Variants in SRD5A2 observed in about 807,000 individuals in gnomAD.
The protein encoded by SRD5A2 is steroid 5 alpha-reductase 2.
SRD5A2 carries 30 observed loss-of-function variants against 27.4 expected under a neutral mutation model. The observed-to-expected ratio is 1.10, with a 90% CI of 0.82 to 1.49. SRD5A2 has a LOEUF of 1.49. Ranked by LOEUF, SRD5A2 falls within the 40% of genes most tolerant of loss-of-function variation. The pLI, the probability that SRD5A2 is intolerant of heterozygous loss-of-function variation, is 0.00. For synonymous variants in SRD5A2, 141 were observed against 133.6 expected (o/e 1.06, Z -0.38); for missense variants, 348 against 323.4 (o/e 1.08, Z -0.58).
chr2:31,568,153 A>G (rs369727799), intron 1 of SRD5A2, among the ~76,000 whole-genome samples: 1 of 152,254 alleles, frequency 6.6e-6, no homozygotes, highest in East Asian at 1.9e-4. Flanking sequence ...GATGCCAGGA[A>G]CCACAAAGCC....
chr2:31,555,164 A>G, intron 1 of SRD5A2, among the ~76,000 whole-genome samples: 1 of 152,094 alleles, frequency 6.6e-6, no homozygotes, highest in East Asian at 1.9e-4. Flanking sequence ...AGAAAAAAAA[A>G]AAAATCCCAC....
intron 1 of SRD5A2, among the ~76,000 whole-genome samples, chr2:31,574,189 C>A (rs1279260528): frequency 3.3e-5 from 5 of 152,218 alleles, no homozygotes; most frequent in Admixed American, 2.0e-4. Flanking sequence ...AAGTTTCACA[C>A]CAGAAAGAGT....
At chr2:31,657,967 A>C in the SRD5A2 span, among the ~76,000 whole-genome samples, 1 of 152,186 alleles carries the variant, frequency 6.6e-6, no homozygotes, top group Non-Finnish European at 1.5e-5. Context: ...GTAAATACAA[A>C]AAAATACCGA....
In SRD5A2 at chr2:31,523,795, G is replaced by A. The variant is rs1019049507; in HGVS notation, c.*2401C>T. 1 of 220,620 alleles carries A rather than the reference G, an allele frequency of 4.5e-6. No homozygotes were observed. The highest frequency in any genetic ancestry group is 9.1e-6 in the Non-Finnish European group (1 of 110,262). The allele number at this position is 220,620 out of a possible 1,614,324, so 13.7% of individuals were successfully genotyped here. The stretch of plus-strand genomic sequence containing the variant: ...ATGTTTAGAGATGAGCACATGTTCA[G>A]ACCTTTACTGTATTTAATCCACATA... On this transcript the variant is annotated 3_prime_UTR_variant, in exon 5 of 5. Coordinates refer to ENST00000622030, the MANE Select transcript of SRD5A2 (RefSeq NM_000348.4).
the SRD5A2 span, among the ~76,000 whole-genome samples, chr2:31,653,817 GC>G: frequency 1.3e-5 from 2 of 152,066 alleles, no homozygotes; most frequent in African/African-American, 4.8e-5. Context: ...CCGCCACCAT[GC>G]CCAGCTAATT....
the SRD5A2 span, among the ~76,000 whole-genome samples, chr2:31,604,119 A>G: frequency 2.2e-4 from 33 of 151,970 alleles, no homozygotes; most frequent in African/African-American, 7.2e-4. Flanking sequence ...CTGGGTATAG[A>G]AGGAACATAC....
At chr2:31,531,506 T>G (rs1366649523) in intron 2 of SRD5A2, 34 bp from the exon 3 acceptor site, 1 of 1,411,534 alleles carries the variant, frequency 7.1e-7, no homozygotes, top group East Asian at 2.4e-5. Context: ...GAAATTTTTT[T>G]TAAATGTGTC....
intron 1 of SRD5A2, among the ~76,000 whole-genome samples, chr2:31,577,222 G>A (rs1385591595): frequency 7.1e-6 from 1 of 141,410 alleles, no homozygotes; most frequent in East Asian, 2.1e-4. Context: ...CTTTGGCAGT[G>A]GGATTAGGCA....
intron 1 of SRD5A2, among the ~76,000 whole-genome samples, chr2:31,553,534 T>C (rs921857910): frequency 2.0e-5 from 3 of 152,112 alleles, no homozygotes; most frequent in Admixed American, 6.6e-5. Flanking sequence ...GCAAGAGAAA[T>C]GTGACACGTC....
At chr2:31,562,934 A>G (rs1390634972) in intron 1 of SRD5A2, 3 of 152,128 alleles carry the variant, frequency 2.0e-5, no homozygotes, top group Admixed American at 2.0e-4. Flanking sequence ...CCTCCATTCC[A>G]TTGTTCATTT....
rs1665713670 is a variant in SRD5A2, at chr2:31,523,859, C to T, written c.*2337G>A. On this transcript the variant is annotated 3_prime_UTR_variant, in exon 5 of 5. Coordinates refer to ENST00000622030, the MANE Select transcript of SRD5A2 (RefSeq NM_000348.4). ...TAAACAATGACAAACTGTCATTGAA[C>T]ACAACAGCCCTAGAACACTGAGAAT... 4.6e-6 allele frequency: 1 copy of T among 219,286 alleles called. No individual in the cohort carries two copies. Among genetic ancestry groups the T allele is most frequent in the South Asian group, 1.9e-4 (1 of 5,390 alleles). The allele number at this position is 219,286 out of a possible 1,614,324, so 13.6% of individuals were successfully genotyped here. A position where few individuals can be genotyped will look rare whatever the true frequency, so the allele number is the denominator to read the frequency against.
chr2:31,656,665 G>T, the SRD5A2 span, among the ~76,000 whole-genome samples: 1 of 152,288 alleles, frequency 6.6e-6, no homozygotes, highest in South Asian at 2.1e-4. Flanking sequence ...CATCTTGGAA[G>T]CAGAGAGACT....
the SRD5A2 span, among the ~76,000 whole-genome samples, chr2:31,611,567 C>G: frequency 1.3e-5 from 2 of 152,084 alleles, no homozygotes; most frequent in Non-Finnish European, 2.9e-5. Flanking sequence ...ATAAGAGATA[C>G]AAAACACCAA....
intron 1 of SRD5A2, among the ~76,000 whole-genome samples, chr2:31,580,236 C>T (rs1667042860): frequency 6.6e-6 from 1 of 152,212 alleles, no homozygotes; most frequent in African/African-American, 2.4e-5. Context: ...GGGCGGGGCG[C>T]GATATGCCAC....
At chr2:31,611,409 A>G in the SRD5A2 span, among the ~76,000 whole-genome samples, 971 of 152,342 alleles carry the variant, frequency 6.4e-3, 8 homozygotes, top group Non-Finnish European at 9.7e-3. Flanking sequence ...TGAATTGATA[A>G]TCCACAGATT....
intron 1 of SRD5A2, among the ~76,000 whole-genome samples, chr2:31,565,766 T>G (rs375890719): frequency 1.3e-5 from 2 of 151,944 alleles, no homozygotes; most frequent in South Asian, 4.1e-4. Flanking sequence ...TGATCAGATA[T>G]CTCAATACTC....
chr2:31,644,034 T>C, the SRD5A2 span, among the ~76,000 whole-genome samples: 4 of 152,338 alleles, frequency 2.6e-5, 1 homozygote, highest in Admixed American at 2.6e-4. Flanking sequence ...GGGAAGATAG[T>C]AACTTCACAG....
At chr2:31,542,675 G>A (rs1666153573) in intron 1 of SRD5A2, among the ~76,000 whole-genome samples, 1 of 152,054 alleles carries the variant, frequency 6.6e-6, no homozygotes, top group Non-Finnish European at 1.5e-5. Flanking sequence ...GGCTTTGAGG[G>A]AAGATATGAG....
At chr2:31,557,840 A>G (rs1666530657) in intron 1 of SRD5A2, among the ~76,000 whole-genome samples, 1 of 152,218 alleles carries the variant, frequency 6.6e-6, no homozygotes, top group Non-Finnish European at 1.5e-5. Flanking sequence ...AAAGGAACTC[A>G]TCACGAAAGC....
Sources: allele counts gnomAD v4.1 joint callset (sites outside exome capture counted in the v4.1 genomes callset), GRCh38; gene constraint gnomAD v4.1.1; transcripts MANE v1.5; gene names NCBI Gene and HGNC (gene_info 2026-07-23, HGNC 2026-07-21).